Variants in UNC13C observed in about 807,000 individuals in gnomAD.
UNC13C encodes protein unc-13 homolog C.
UNC13C carries 174 observed loss-of-function variants against 245.4 expected under a neutral mutation model. The ratio of observed to expected loss-of-function variants is 0.71; its 90% CI spans 0.63 to 0.80. The LOEUF (loss-of-function observed/expected upper bound fraction) is 0.80, where lower values mean the gene tolerates loss of function less well. Ranked by LOEUF, UNC13C falls within the 30% of genes least tolerant of loss-of-function variation. UNC13C has a pLI of 0.00. For missense variants in UNC13C, 2,829 were observed against 2,602.9 expected (o/e 1.09, Z -1.89); for synonymous variants, 992 against 895.1 (o/e 1.11, Z -1.93).
At chr15:54,102,937 C>A (rs185773642) in intron 2 of UNC13C, among the ~76,000 whole-genome samples, 95 of 152,278 alleles carry the variant, frequency 6.2e-4, no homozygotes, top group African/African-American at 2.3e-3. Flanking sequence ...TGGCCAGCTG[C>A]AGTACTTGCA....
chr15:54,535,905 T>G (rs1195635647), intron 26 of UNC13C, among the ~76,000 whole-genome samples: 1 of 151,834 alleles, frequency 6.6e-6, no homozygotes, highest in African/African-American at 2.4e-5. Context: ...AATTATCAAT[T>G]TAACAACCTA....
At chr15:53,934,081 C>T in the UNC13C span, among the ~76,000 whole-genome samples, 1 of 152,340 alleles carries the variant, frequency 6.6e-6, no homozygotes, top group South Asian at 2.1e-4. Flanking sequence ...CAGCATATTA[C>T]ATTGCAAGAG....
chr15:54,123,897 T>C (rs1595883340), intron 2 of UNC13C, among the ~76,000 whole-genome samples: 4 of 152,292 alleles, frequency 2.6e-5, no homozygotes, highest in East Asian at 1.9e-4. Context: ...AATGTGTTTT[T>C]TATCTTTATA....
At chr15:54,343,163 T>G (rs939061621) in intron 17 of UNC13C, among the ~76,000 whole-genome samples, 58 of 152,226 alleles carry the variant, frequency 3.8e-4, no homozygotes, top group African/African-American at 1.3e-3. Context: ...TGACAGAGTT[T>G]TGCTCTGTCA....
chr15:54,406,467 C>T (rs2040295538), intron 18 of UNC13C, among the ~76,000 whole-genome samples: 1 of 152,132 alleles, frequency 6.6e-6, no homozygotes, highest in African/African-American at 2.4e-5. Flanking sequence ...TTCTCAGATT[C>T]CTTCCACTTG....
At chr15:54,111,505 C>T (rs1183380444) in intron 2 of UNC13C, among the ~76,000 whole-genome samples, 1 of 152,142 alleles carries the variant, frequency 6.6e-6, no homozygotes, top group Non-Finnish European at 1.5e-5. Context: ...GATGTGAAGA[C>T]CTTGCCTCAG....
chr15:54,164,370 G>A (rs1047122096), intron 4 of UNC13C, among the ~76,000 whole-genome samples: 4 of 152,010 alleles, frequency 2.6e-5, no homozygotes, highest in African/African-American at 4.8e-5. Flanking sequence ...TGTATATAAC[G>A]TTTTCCTAAT....
chr15:54,004,217 A>G (rs62009772), intron 1 of UNC13C, among the ~76,000 whole-genome samples: 2,176 of 152,184 alleles, frequency 0.014, 22 homozygotes, highest in South Asian at 0.066. Context: ...CCATGAGTTC[A>G]GTTGCTTTGA....
intron 19 of UNC13C, among the ~76,000 whole-genome samples, chr15:54,480,627 A>G (rs1893055184): frequency 6.6e-6 from 1 of 151,924 alleles, no homozygotes; most frequent in Admixed American, 6.6e-5. Flanking sequence ...TTTCTAATTC[A>G]TTCGTATTGT....
intron 4 of UNC13C, among the ~76,000 whole-genome samples, chr15:54,147,931 TTTC>T (rs2032350613): frequency 6.6e-6 from 1 of 152,152 alleles, no homozygotes; most frequent in South Asian, 2.1e-4. Context: ...CTTTATTTTC[TTTC>T]TTCACTAGTC....
intron 4 of UNC13C, among the ~76,000 whole-genome samples, chr15:54,218,062 A>T (rs2035096017): frequency 6.6e-6 from 1 of 151,962 alleles, no homozygotes; most frequent in South Asian, 2.1e-4. Flanking sequence ...ATTTTTAAAA[A>T]ATTTGTATTA....
chr15:54,560,921 A>C (rs1897275295), intron 29 of UNC13C, among the ~76,000 whole-genome samples: 2 of 152,020 alleles, frequency 1.3e-5, no homozygotes, highest in African/African-American at 2.4e-5. Flanking sequence ...TTAAGTTGTC[A>C]CTTATATTGC....
At chr15:54,257,953 G>A (rs2036321342) in intron 8 of UNC13C, among the ~76,000 whole-genome samples, 1 of 152,058 alleles carries the variant, frequency 6.6e-6, no homozygotes, top group South Asian at 2.1e-4. Flanking sequence ...AAAGCAGAGA[G>A]ACAATGAAAG....
the UNC13C span, among the ~76,000 whole-genome samples, chr15:53,959,824 A>G: frequency 6.6e-6 from 1 of 152,196 alleles, no homozygotes; most frequent in Non-Finnish European, 1.5e-5. Flanking sequence ...GTGGATTTCT[A>G]TTTATATTTC....
intron 30 of UNC13C, among the ~76,000 whole-genome samples, chr15:54,604,505 A>T (rs1286982073): frequency 1.3e-5 from 2 of 152,188 alleles, no homozygotes; most frequent in African/African-American, 4.8e-5. Context: ...GGGATCACTG[A>T]TACCTCTTTC....
At chr15:54,083,567 G>A (rs1189832116) in intron 2 of UNC13C, among the ~76,000 whole-genome samples, 1 of 152,190 alleles carries the variant, frequency 6.6e-6, no homozygotes, top group Non-Finnish European at 1.5e-5. Flanking sequence ...AGTAGATGGG[G>A]TGGGGGTCGG....
the UNC13C span, among the ~76,000 whole-genome samples, chr15:53,861,492 C>T: frequency 4.5e-4 from 69 of 152,136 alleles, no homozygotes; most frequent in Middle Eastern, 0.014. Context: ...AATATATCAT[C>T]TTTATCACAC....
intron 1 of UNC13C, among the ~76,000 whole-genome samples, chr15:54,007,604 CT>C: frequency 6.6e-6 from 1 of 152,136 alleles, no homozygotes; most frequent in East Asian, 1.9e-4. Flanking sequence ...ACACTGGAAC[CT>C]GTTGCAGGGT....
intron 17 of UNC13C, among the ~76,000 whole-genome samples, chr15:54,379,213 A>T (rs946468542): frequency 2.6e-5 from 4 of 152,128 alleles, no homozygotes; most frequent in Non-Finnish European, 5.9e-5. Flanking sequence ...GTAATGTTTT[A>T]TATAGGGTCT....
Sources: allele counts gnomAD v4.1 joint callset (sites outside exome capture counted in the v4.1 genomes callset), GRCh38; gene constraint gnomAD v4.1.1; transcripts MANE v1.5; gene names NCBI Gene and HGNC (gene_info 2026-07-23, HGNC 2026-07-21).